Variants in CDH4 observed in about 807,000 individuals in gnomAD.
The protein encoded by CDH4 is cadherin 4.
Under a neutral mutation model 86.0 loss-of-function variants are expected in CDH4, and 33 were observed. The ratio of observed to expected loss-of-function variants is 0.38; its 90% CI spans 0.29 to 0.51. The LOEUF (loss-of-function observed/expected upper bound fraction) is 0.51, where lower values mean the gene tolerates loss of function less well. Among genes scored for constraint, CDH4 ranks in the 20% least tolerant of loss-of-function variants. CDH4 has a pLI of 0.86. For missense variants in CDH4, 1,114 were observed against 1,307.4 expected, an observed-to-expected ratio of 0.85 and a Z score of 2.28; for synonymous variants, 555 against 549.4, an observed-to-expected ratio of 1.01 and a Z score of -0.14.
intron 3 of CDH4, among the ~76,000 whole-genome samples, chr20:61,764,262 A>G (rs543553179): frequency 1.3e-5 from 2 of 152,360 alleles, no homozygotes; most frequent in African/African-American, 4.8e-5. Flanking sequence ...TTTTCTCAAC[A>G]TGCACCTTGC....
intron 2 of CDH4, among the ~76,000 whole-genome samples, chr20:61,255,308 C>T (rs2084092797): frequency 1.3e-5 from 2 of 152,172 alleles, no homozygotes; most frequent in South Asian, 2.1e-4. Flanking sequence ...GTTGGAAATG[C>T]GGTAAATAAG....
intron 2 of CDH4, among the ~76,000 whole-genome samples, chr20:61,579,472 A>G (rs1178996455): frequency 6.6e-6 from 1 of 151,978 alleles, no homozygotes; most frequent in Non-Finnish European, 1.5e-5. Context: ...TTTTTAGTAG[A>G]GGCAGGGTTT....
chr20:61,392,516 T>C lies in CDH4; in HGVS notation c.169+137579T>C, dbSNP rs1406182393. On this transcript the variant is annotated intron_variant, in intron 2 of 15. Transcript: ENST00000614565. This position sits in a 1 kb window ranked among gnomAD's most constrained non-coding sequence, Gnocchi z 5.7. ...TTGAAGTAGGGCTGGATTTATCTTA[T>C]GACAGTGCTTGTCATGGCCTTGAGT... Among the ~76,000 whole-genome samples, 1 of 152,222 alleles carries C rather than the reference T, an allele frequency of 6.6e-6. No individual in the cohort carries two copies. Among genetic ancestry groups the C allele is most frequent in the Non-Finnish European group, 1.5e-5 (1 of 68,044 alleles).
At chr20:61,418,498 A>G (rs1041685211) in intron 2 of CDH4, among the ~76,000 whole-genome samples, 1 of 152,154 alleles carries the variant, frequency 6.6e-6, no homozygotes, top group Non-Finnish European at 1.5e-5. Flanking sequence ...GGCTTGAGCC[A>G]CCGCGCCTGG....
At chr20:61,356,548 C>T (rs1284857116) in intron 2 of CDH4, among the ~76,000 whole-genome samples, 1 of 152,166 alleles carries the variant, frequency 6.6e-6, no homozygotes, top group African/African-American at 2.4e-5. Context: ...AGAGTAAAAG[C>T]CGTGCAGTTG....
At position 61,740,038 on chromosome 20, in the gene CDH4, T is replaced by C. The variant is rs79440972; in HGVS notation, c.170-3525T>C. On this transcript the variant is annotated intron_variant, in intron 2 of 15. Transcript: ENST00000614565. ...TTGTCCTCCTGGAATGCATTTAACC[T>C]TGCAGAGACAGGCGAAGACTCCAAA... Among the ~76,000 whole-genome samples the C allele has an allele frequency of 5.9e-3, 891 of 151,900 alleles. 3 individuals carry two copies. Among genetic ancestry groups the C allele is most frequent in the African/African-American group, 0.021 (856 of 41,394 alleles).
At chr20:61,595,809 A>G (rs1412782856) in intron 2 of CDH4, among the ~76,000 whole-genome samples, 1 of 152,202 alleles carries the variant, frequency 6.6e-6, no homozygotes, top group Non-Finnish European at 1.5e-5. Flanking sequence ...CGTGGGTGGG[A>G]AAGATGAACT....
intron 2 of CDH4, among the ~76,000 whole-genome samples, chr20:61,664,905 A>G (rs1157348560): frequency 2.6e-5 from 4 of 152,250 alleles, no homozygotes; most frequent in Non-Finnish European, 4.4e-5. Flanking sequence ...AGCAGCATGA[A>G]CTGAATGAAG....
chr20:61,559,438 G>A (rs1300417558), intron 2 of CDH4, among the ~76,000 whole-genome samples: 3 of 152,062 alleles, frequency 2.0e-5, no homozygotes, highest in East Asian at 3.9e-4. Context: ...GCGCGCTGTC[G>A]GGAGGAAGGC....
chr20:61,915,683 C>A (rs571996435), intron 9 of CDH4, among the ~76,000 whole-genome samples: 21 of 152,300 alleles, frequency 1.4e-4, no homozygotes, highest in African/African-American at 4.1e-4. Flanking sequence ...GCAGAACATC[C>A]CGGAAAAGAC....
chr20:61,807,567 G>A lies in CDH4; in HGVS notation c.576+34385G>A, dbSNP rs574343672. 2.0e-5 allele frequency among the ~76,000 whole-genome samples: 3 copies of A among 152,216 alleles called. No individual in the cohort carries two copies. Among genetic ancestry groups the A allele is most frequent in the African/African-American group, 7.2e-5 (3 of 41,450 alleles). Reference sequence around the variant, plus strand: ...GCTGTGTCCACCATCAGCGAGGGGAGTGTGACCAAGGGCAGGTGTTCCGTG... The same window carrying A: ...GCTGTGTCCACCATCAGCGAGGGGAATGTGACCAAGGGCAGGTGTTCCGTG... On this transcript the variant is annotated intron_variant, in intron 4 of 15. Coordinates refer to ENST00000614565, the MANE Select transcript of CDH4 (RefSeq NM_001794.5). The surrounding 1 kb of genome is among the most constrained non-coding windows in gnomAD (Gnocchi z 4.5).
chr20:61,924,945 C>T (rs955577134), intron 11 of CDH4, among the ~76,000 whole-genome samples: 3 of 152,194 alleles, frequency 2.0e-5, no homozygotes, highest in Non-Finnish European at 2.9e-5. Context: ...CCCCATCCTG[C>T]GGGGAAGGCC....
At chr20:61,799,443 C>T (rs1264460008) in intron 4 of CDH4, among the ~76,000 whole-genome samples, 2 of 152,216 alleles carry the variant, frequency 1.3e-5, no homozygotes, top group Non-Finnish European at 2.9e-5. Context: ...AGGGACTTTG[C>T]ATTTTAGAGT....
intron 2 of CDH4, among the ~76,000 whole-genome samples, chr20:61,288,847 G>C (rs2084306680): frequency 6.6e-6 from 1 of 152,148 alleles, no homozygotes; most frequent in African/African-American, 2.4e-5. Flanking sequence ...GAGGTTCAAG[G>C]GTATTCCTTG....
intron 2 of CDH4, among the ~76,000 whole-genome samples, chr20:61,256,752 C>A (rs923426741): frequency 6.6e-6 from 1 of 152,218 alleles, no homozygotes. Flanking sequence ...GAGAATCTCC[C>A]AAGCACCTGA....
intron 2 of CDH4, among the ~76,000 whole-genome samples, chr20:61,542,309 G>T (rs932551586): frequency 6.6e-6 from 1 of 152,198 alleles, no homozygotes; most frequent in Non-Finnish European, 1.5e-5. Context: ...TCCTGGACTT[G>T]CTGAGTCAAA....
At chr20:61,338,729 ATTATAC>A (rs952009544) in intron 2 of CDH4, among the ~76,000 whole-genome samples, 1 of 152,236 alleles carries the variant, frequency 6.6e-6, no homozygotes, top group Non-Finnish European at 1.5e-5. Context: ...AGACTTTTTA[ATTATAC>A]TTAATAGTTC....
chr20:61,615,684 C>T (rs965732384), intron 2 of CDH4, among the ~76,000 whole-genome samples: 15 of 152,160 alleles, frequency 9.9e-5, no homozygotes, highest in African/African-American at 3.6e-4. Flanking sequence ...TTCTGTGGTT[C>T]CCAAGAGACA....
At chr20:61,330,644 C>T (rs1600871871) in intron 2 of CDH4, among the ~76,000 whole-genome samples, 1 of 152,216 alleles carries the variant, frequency 6.6e-6, no homozygotes, top group Non-Finnish European at 1.5e-5. Flanking sequence ...GCTGGCTGGG[C>T]ACCGACATGC....
Sources: gnomAD v4.1 joint callset for allele counts (sites outside exome capture counted in the v4.1 genomes callset) on GRCh38, gnomAD v4.1.1 for gene constraint, Gnocchi (gnomAD v3.1) non-coding constraint, MANE v1.5 for transcripts, NCBI Gene and HGNC (gene_info 2026-07-23, HGNC 2026-07-21) for gene names.